CSNK2A2IP: variants seen among roughly 807,000 people sequenced by gnomAD.
The protein encoded by CSNK2A2IP is casein kinase II subunit alpha'-interacting protein.
the CSNK2A2IP span, among the ~76,000 whole-genome samples, chr3:88,350,784 C>G: frequency 4.6e-5 from 7 of 152,208 alleles, no homozygotes; most frequent in East Asian, 1.4e-3. Context: ...AAACAGAAGA[C>G]ATATCCAGAC....
At chr3:88,359,172 T>C in the CSNK2A2IP span, among the ~76,000 whole-genome samples, 1 of 151,924 alleles carries the variant, frequency 6.6e-6, no homozygotes, top group Non-Finnish European at 1.5e-5. Context: ...TTTATTGGCA[T>C]ATAGTTGCTC....
the CSNK2A2IP span, among the ~76,000 whole-genome samples, chr3:88,373,007 A>G: frequency 3.3e-5 from 5 of 151,690 alleles, no homozygotes; most frequent in African/African-American, 1.2e-4. Context: ...TAGAACTACA[A>G]GAAATAATAG....
At chr3:88,446,102 TTTTC>T in the CSNK2A2IP span, among the ~76,000 whole-genome samples, 4 of 116,608 alleles carry the variant, frequency 3.4e-5, no homozygotes, top group South Asian at 2.5e-4. Context: ...TTCTTTCTTT[TTTTC>T]TTTCTTTCTT....
chr3:88,364,627 T>C, the CSNK2A2IP span, among the ~76,000 whole-genome samples: 4 of 152,104 alleles, frequency 2.6e-5, no homozygotes, highest in African/African-American at 7.2e-5. Context: ...ATATTGTTGA[T>C]TGATGACTTG....
At chr3:88,447,259 A>G in the CSNK2A2IP span, among the ~76,000 whole-genome samples, 1 of 152,172 alleles carries the variant, frequency 6.6e-6, no homozygotes, top group Non-Finnish European at 1.5e-5. Context: ...ATGAATATTA[A>G]AGCAAGAGGC....
chr3:88,361,076 T>A, the CSNK2A2IP span, among the ~76,000 whole-genome samples: 1 of 152,320 alleles, frequency 6.6e-6, no homozygotes, highest in Admixed American at 6.5e-5. Flanking sequence ...AAAATATAAT[T>A]GTCGTAGTTA....
chr3:88,465,407 T>C, the CSNK2A2IP span: 1 of 1,231,626 alleles, frequency 8.1e-7, no homozygotes, highest in Non-Finnish European at 1.0e-6. Flanking sequence ...TTAGACTACT[T>C]CTACCAACTG....
At chr3:88,363,044 GC>G in the CSNK2A2IP span, among the ~76,000 whole-genome samples, 1 of 152,020 alleles carries the variant, frequency 6.6e-6, no homozygotes, top group African/African-American at 2.4e-5. Flanking sequence ...TGACAGGGTG[GC>G]AATGAGTTCC....
the CSNK2A2IP span, among the ~76,000 whole-genome samples, chr3:88,411,088 C>T: frequency 2.0e-5 from 3 of 151,790 alleles, no homozygotes; most frequent in Non-Finnish European, 4.4e-5. Flanking sequence ...TTATATTAGT[C>T]ATTGTAAAGT....
At chr3:88,455,964 A>G in the CSNK2A2IP span, among the ~76,000 whole-genome samples, 1 of 151,716 alleles carries the variant, frequency 6.6e-6, no homozygotes, top group South Asian at 2.1e-4. Flanking sequence ...TTAAGAGTCC[A>G]TTATTTCCCC....
chr3:88,426,669 C>A, the CSNK2A2IP span, among the ~76,000 whole-genome samples: 16 of 152,076 alleles, frequency 1.1e-4, no homozygotes, highest in Non-Finnish European at 2.4e-4. Flanking sequence ...TTATAAGGGA[C>A]TTTCCCCCCT....
the CSNK2A2IP span, among the ~76,000 whole-genome samples, chr3:88,406,289 G>T: frequency 1.3e-5 from 2 of 152,224 alleles, no homozygotes; most frequent in East Asian, 3.9e-4. Flanking sequence ...GTTAAGGGCA[G>T]GTAGTTACTT....
the CSNK2A2IP span, among the ~76,000 whole-genome samples, chr3:88,404,720 G>A: frequency 1.4e-5 from 2 of 147,586 alleles, no homozygotes; most frequent in Admixed American, 6.8e-5. Context: ...TTAAGTTGAT[G>A]TCTTTTTCTC....
At chr3:88,387,695 C>A in the CSNK2A2IP span, among the ~76,000 whole-genome samples, 1 of 152,154 alleles carries the variant, frequency 6.6e-6, no homozygotes, top group East Asian at 1.9e-4. Flanking sequence ...TAGCATATAT[C>A]AAAAATAATA....
At chr3:88,466,180 G>A in the CSNK2A2IP span, 1 of 1,231,490 alleles carries the variant, frequency 8.1e-7, no homozygotes, top group Non-Finnish European at 1.0e-6. Context: ...TCCATTACTT[G>A]ACTCTAGGCT....
chr3:88,453,807 T>C, the CSNK2A2IP span, among the ~76,000 whole-genome samples: 1 of 152,058 alleles, frequency 6.6e-6, no homozygotes, highest in South Asian at 2.1e-4. Flanking sequence ...TATACTCCCT[T>C]ACATGGAACT....
chr3:88,371,427 C>G, the CSNK2A2IP span, among the ~76,000 whole-genome samples: 1 of 151,262 alleles, frequency 6.6e-6, no homozygotes, highest in Non-Finnish European at 1.5e-5. Flanking sequence ...ATAAAAATAC[C>G]TTAGATGGGT....
At chr3:88,438,511 A>T in the CSNK2A2IP span, among the ~76,000 whole-genome samples, 1 of 152,238 alleles carries the variant, frequency 6.6e-6, no homozygotes, top group African/African-American at 2.4e-5. Context: ...CCCTAAAAAA[A>T]TTTTCTGACC....
chr3:88,360,117 C>T, the CSNK2A2IP span, among the ~76,000 whole-genome samples: 3 of 149,346 alleles, frequency 2.0e-5, no homozygotes, highest in Non-Finnish European at 3.0e-5. Flanking sequence ...TGACTTTCTT[C>T]GTCTTTTTAA....
Sources: gnomAD v4.1 joint callset for allele counts (sites outside exome capture counted in the v4.1 genomes callset) on GRCh38, gnomAD v4.1.1 for gene constraint, MANE v1.5 for transcripts, NCBI Gene and HGNC (gene_info 2026-07-23, HGNC 2026-07-21) for gene names.